Variants in KCNH5 observed in about 807,000 individuals in gnomAD.
KCNH5 encodes the protein potassium voltage-gated channel subfamily H member 5.
KCNH5 carries 46 observed loss-of-function variants against 96.1 expected under a neutral mutation model. The observed-to-expected ratio is 0.48, with a 90% CI of 0.38 to 0.61. The LOEUF (loss-of-function observed/expected upper bound fraction) is 0.61, where lower values mean the gene tolerates loss of function less well. KCNH5 is among the 20% of genes least tolerant of loss of function. The pLI is 0.00. For missense variants in KCNH5, 907 were observed against 1,225.8 expected, an observed-to-expected ratio of 0.74 and a Z score of 3.88; for synonymous variants, 439 against 449.8, an observed-to-expected ratio of 0.98 and a Z score of 0.30.
intron 10 of KCNH5, among the ~76,000 whole-genome samples, chr14:62,750,587 A>G (rs1372728031): frequency 1.3e-5 from 2 of 152,210 alleles, no homozygotes; most frequent in Non-Finnish European, 2.9e-5. Context: ...CGTCCTCTGC[A>G]ATGGATTACA....
At chr14:62,759,415 G>A (rs1323186934) in intron 10 of KCNH5, among the ~76,000 whole-genome samples, 1 of 151,866 alleles carries the variant, frequency 6.6e-6, no homozygotes, top group South Asian at 2.1e-4. Context: ...TTATTTCTGG[G>A]GCATGGCTAT....
chr14:62,939,269 G>C (rs1889742730), intron 7 of KCNH5, among the ~76,000 whole-genome samples: 1 of 152,106 alleles, frequency 6.6e-6, no homozygotes, highest in Non-Finnish European at 1.5e-5. Flanking sequence ...CTACCTCACT[G>C]GGTTCTCTTC....
intron 4 of KCNH5, among the ~76,000 whole-genome samples, chr14:62,990,132 A>G (rs924295610): frequency 4.6e-5 from 7 of 151,102 alleles, no homozygotes; most frequent in Non-Finnish European, 8.9e-5. Context: ...AAACATTTTG[A>G]AAAAAAAAGG....
At chr14:62,929,518 C>T (rs1452640282) in intron 7 of KCNH5, among the ~76,000 whole-genome samples, 1 of 152,040 alleles carries the variant, frequency 6.6e-6, no homozygotes, top group Non-Finnish European at 1.5e-5. Context: ...GGTCTGGTCT[C>T]ATTACCTTTC....
At chr14:63,022,779 C>T (rs1891452519) in intron 1 of KCNH5, among the ~76,000 whole-genome samples, 1 of 152,172 alleles carries the variant, frequency 6.6e-6, no homozygotes, top group Admixed American at 6.5e-5. Context: ...ACTCAATTGA[C>T]ATGACCTCAG....
intron 6 of KCNH5, among the ~76,000 whole-genome samples, chr14:62,968,680 T>C (rs979735928): frequency 1.3e-5 from 2 of 152,176 alleles, no homozygotes; most frequent in African/African-American, 4.8e-5. Context: ...AAAAAGCATG[T>C]ATAGTTAGGA....
chr14:62,830,095 T>C (rs1887311339), intron 8 of KCNH5, among the ~76,000 whole-genome samples: 1 of 152,198 alleles, frequency 6.6e-6, no homozygotes, highest in Non-Finnish European at 1.5e-5. Flanking sequence ...CTTTGCTAAA[T>C]CATAGCAAAA....
chr14:62,731,029 A>T (rs1885037381), intron 10 of KCNH5, among the ~76,000 whole-genome samples: 1 of 152,186 alleles, frequency 6.6e-6, no homozygotes, highest in Admixed American at 6.5e-5. Flanking sequence ...GACCAGGTGC[A>T]GTGGCTTACA....
rs180672036 is a variant in KCNH5, at chr14:62,936,632, G to A, written c.1369+13501C>T. On this transcript the variant is annotated intron_variant, in intron 7 of 10. Coordinates refer to ENST00000322893, the MANE Select transcript of KCNH5 (RefSeq NM_139318.5). ...GGAGGTTGCAGTGAGCTGAGCTCAC[G>A]CCACTGCACTTCAGCCTTGGTGATA... 6.0e-4 allele frequency among the ~76,000 whole-genome samples: 86 copies of A among 142,544 alleles called. 2 individuals are homozygous for A. Among genetic ancestry groups the A allele is most frequent in the African/African-American group, 1.8e-3 (69 of 38,042 alleles). 93.5% of individuals were successfully genotyped at this position (142,544 alleles called of 152,430 possible).
At chr14:62,925,378 G>A (rs543294043) in intron 7 of KCNH5, among the ~76,000 whole-genome samples, 1 of 152,084 alleles carries the variant, frequency 6.6e-6, no homozygotes, top group Admixed American at 6.6e-5. Flanking sequence ...TTGTGTAACT[G>A]TAGCTTGCAT....
At position 62,701,618 on chromosome 14, in the gene KCNH5, A is replaced by T. The variant is rs2139893651; in HGVS notation, c.*5890T>A. The T allele has an allele frequency of 6.6e-6, 1 of 152,196 alleles. No individual in the cohort carries two copies. Among genetic ancestry groups the T allele is most frequent in the South Asian group, 2.1e-4 (1 of 4,820 alleles). The allele number at this position is 152,196 out of a possible 1,614,324, so 9.4% of individuals were successfully genotyped here. ...AGTAGGATTCTTCCTTTCTATGATT[A>T]CCTCTGGCTCAGTTATTAGCCAAGT... On this transcript the variant is annotated 3_prime_UTR_variant, in exon 11 of 11. Transcript: ENST00000322893.
rs1033125760 is a variant in KCNH5 at position 62,704,457 on chromosome 14, T to C, written c.*3051A>G. On this transcript the variant is annotated 3_prime_UTR_variant, in exon 11 of 11. Coordinates refer to ENST00000322893, the MANE Select transcript of KCNH5 (RefSeq NM_139318.5). Reference sequence around the variant, plus strand: ...AATCTCTTCCATCTGCTAGATCACATTTAGTGCAACAATATCCTGATACAG... The same window carrying C: ...AATCTCTTCCATCTGCTAGATCACACTTAGTGCAACAATATCCTGATACAG... 2.6e-5 allele frequency: 4 copies of C among 151,888 alleles called. No homozygotes were observed. Among genetic ancestry groups the C allele is most frequent in the Non-Finnish European group, 4.4e-5 (3 of 67,812 alleles). 9.4% of individuals were successfully genotyped at this position (151,888 alleles called of 1,614,324 possible). A position where few individuals can be genotyped will look rare whatever the true frequency, so the allele number is the denominator to read the frequency against.
chr14:63,040,736 GTTTCT>G lies in KCNH5; in HGVS notation c.73+4373_73+4377del, dbSNP rs371004762. 4.3e-4 allele frequency among the ~76,000 whole-genome samples: 65 copies of G among 151,798 alleles called. 4 individuals carry two copies. The South Asian group carries it at 5.6e-3, about 13-fold the overall frequency. ...ACTAGTTCTGCTTCCTCTCTTATAG[GTTTCT>G]TTTAAGACCTCAGTTTGTACAAATG... is the stretch of plus-strand genomic sequence containing the variant. On this transcript the variant is annotated intron_variant, in intron 1 of 10. Transcript: ENST00000322893.
chr14:62,948,406 T>C (rs1889935300), intron 7 of KCNH5, among the ~76,000 whole-genome samples: 1 of 152,106 alleles, frequency 6.6e-6, no homozygotes. Context: ...CTAGAAAATC[T>C]AGAAGAAATG....
At chr14:62,788,717 C>T (rs1886370632) in intron 9 of KCNH5, among the ~76,000 whole-genome samples, 1 of 152,138 alleles carries the variant, frequency 6.6e-6, no homozygotes, top group Non-Finnish European at 1.5e-5. Flanking sequence ...AACATCAAGG[C>T]AGGACTGTCC....
At chr14:62,946,493 C>A (rs1889889349) in intron 7 of KCNH5, among the ~76,000 whole-genome samples, 3 of 151,550 alleles carry the variant, frequency 2.0e-5, no homozygotes, top group Non-Finnish European at 4.4e-5. Flanking sequence ...ATGTTCACAG[C>A]AGCTTTGTGT....
intron 8 of KCNH5, among the ~76,000 whole-genome samples, chr14:62,817,903 A>AAT (rs1021923225): frequency 1.3e-3 from 68 of 51,516 alleles, no homozygotes; most frequent in African/African-American, 3.7e-3. Context: ...TATAAATATA[A>AAT]ATATATATAT....
chr14:62,906,537 TA>T (rs1003070877), intron 7 of KCNH5, among the ~76,000 whole-genome samples: 2 of 151,866 alleles, frequency 1.3e-5, no homozygotes, highest in Admixed American at 6.6e-5. Flanking sequence ...TATCTTCCTT[TA>T]AAAAAAAGGT....
At chr14:62,730,180 A>G (rs1885019681) in intron 10 of KCNH5, among the ~76,000 whole-genome samples, 1 of 152,210 alleles carries the variant, frequency 6.6e-6, no homozygotes, top group African/African-American at 2.4e-5. Flanking sequence ...TTGCTTCCAG[A>G]TTGTGCAAGA....
Sources: allele counts gnomAD v4.1 joint callset (sites outside exome capture counted in the v4.1 genomes callset), GRCh38; gene constraint gnomAD v4.1.1; transcripts MANE v1.5; gene names NCBI Gene and HGNC (gene_info 2026-07-23, HGNC 2026-07-21).